Variants in KCNMA1 observed in about 807,000 individuals in gnomAD.
The protein encoded by KCNMA1 is potassium calcium-activated channel subfamily M alpha 1.
Under a neutral mutation model 140.0 loss-of-function variants are expected in KCNMA1, and 29 were observed. The observed-to-expected ratio is 0.21, with a 90% CI of 0.15 to 0.28. KCNMA1 has a LOEUF of 0.28. Among genes scored for constraint, KCNMA1 ranks in the 10% least tolerant of loss-of-function variants. KCNMA1 has a pLI of 1.00. For missense variants in KCNMA1, 880 were observed against 1,602.2 expected, an observed-to-expected ratio of 0.55 and a Z score of 7.70; for synonymous variants, 612 against 611.9, an observed-to-expected ratio of 1.00 and a Z score of 0.00.
intron 1 of KCNMA1, among the ~76,000 whole-genome samples, chr10:77,502,289 C>T (rs574942829): frequency 6.6e-6 from 1 of 152,282 alleles, no homozygotes; most frequent in African/African-American, 2.4e-5. Context: ...GAGAAATACA[C>T]CTCTTGTCTT....
At chr10:77,508,583 T>TTG (rs1555402627) in intron 1 of KCNMA1, among the ~76,000 whole-genome samples, 1 of 83,386 alleles carries the variant, frequency 1.2e-5, no homozygotes, top group African/African-American at 3.9e-5. Context: ...TTTCTTTTCT[T>TTG]TTTTTTTTTT....
In KCNMA1 at chr10:77,497,441, T is replaced by C. The variant is rs77783752; in HGVS notation, c.379-93418A>G. ...CTTGAGGGTGGGTGAGCTCACAGAGTCTATTCCTGACACTGTTGCTCTCAC... is the reference window on the plus strand; with the variant it reads ...CTTGAGGGTGGGTGAGCTCACAGAGCCTATTCCTGACACTGTTGCTCTCAC... On this transcript the variant is annotated intron_variant, in intron 1 of 27. Coordinates refer to ENST00000286628, the MANE Select transcript of KCNMA1 (RefSeq NM_001161352.2). 4.9e-3 allele frequency among the ~76,000 whole-genome samples: 749 copies of C among 152,012 alleles called. 33 individuals carry two copies. In the East Asian group the frequency reaches 0.11, roughly 22 times the overall value.
intron 1 of KCNMA1, among the ~76,000 whole-genome samples, chr10:77,420,895 G>T (rs1198937134): frequency 6.6e-6 from 1 of 152,160 alleles, no homozygotes; most frequent in African/African-American, 2.4e-5. Flanking sequence ...TCATGCAATG[G>T]TACAATTCCC....
intron 5 of KCNMA1, among the ~76,000 whole-genome samples, chr10:77,131,810 C>T (rs2097863454): frequency 6.6e-6 from 1 of 151,480 alleles, no homozygotes; most frequent in Non-Finnish European, 1.5e-5. Flanking sequence ...ACTAAAAATT[C>T]AAAAATTAGC....
intron 20 of KCNMA1, among the ~76,000 whole-genome samples, chr10:76,968,847 G>GGTGGTTTGCCTTTCT (rs1411268192): frequency 6.6e-6 from 1 of 152,182 alleles, no homozygotes; most frequent in Non-Finnish European, 1.5e-5. Flanking sequence ...CATGAAGAAA[G>GGTGGTTTGCCTTTCT]ACTGCCCTTG....
At chr10:77,357,863 A>C (rs1358209204) in intron 2 of KCNMA1, among the ~76,000 whole-genome samples, 1 of 152,180 alleles carries the variant, frequency 6.6e-6, no homozygotes, top group African/African-American at 2.4e-5. Context: ...AGAACCACCT[A>C]GGAATTCAAA....
intron 2 of KCNMA1, among the ~76,000 whole-genome samples, chr10:77,331,505 T>G (rs1054522959): frequency 2.0e-5 from 3 of 152,074 alleles, no homozygotes; most frequent in Non-Finnish European, 4.4e-5. Context: ...ACCACTTAAG[T>G]CCTCATATTT....
At chr10:77,197,790 A>G (rs1220472755) in intron 3 of KCNMA1, among the ~76,000 whole-genome samples, 2 of 152,194 alleles carry the variant, frequency 1.3e-5, no homozygotes, top group African/African-American at 4.8e-5. Context: ...GCCATGCAGA[A>G]AGGACCTACA....
chr10:77,589,875 G>T (rs2078479549), intron 1 of KCNMA1, among the ~76,000 whole-genome samples: 1 of 152,168 alleles, frequency 6.6e-6, no homozygotes, highest in South Asian at 2.1e-4. Context: ...GGTTGCCACT[G>T]CTGGCTGCGG....
At chr10:77,037,916 AC>A (rs1379867744) in intron 15 of KCNMA1, among the ~76,000 whole-genome samples, 1 of 151,994 alleles carries the variant, frequency 6.6e-6, no homozygotes, top group African/African-American at 2.4e-5. Context: ...TGAATGCTTA[AC>A]TCCTCTCAGT....
chr10:77,178,174 A>G (rs571082321), intron 5 of KCNMA1, among the ~76,000 whole-genome samples: 4 of 152,248 alleles, frequency 2.6e-5, no homozygotes, highest in East Asian at 1.9e-4. Context: ...TAGTTTTCCA[A>G]TCATGGTTCC....
chr10:77,061,436 G>A (rs1310999587), intron 14 of KCNMA1, among the ~76,000 whole-genome samples: 1 of 152,258 alleles, frequency 6.6e-6, no homozygotes, highest in East Asian at 1.9e-4. Flanking sequence ...AAATACACGT[G>A]AAAACCACAA....
intron 21 of KCNMA1, among the ~76,000 whole-genome samples, chr10:76,950,678 C>T (rs1336750179): frequency 6.6e-6 from 1 of 152,122 alleles, no homozygotes; most frequent in Non-Finnish European, 1.5e-5. Flanking sequence ...TAGAATTGAC[C>T]ACTGCATTGA....
intron 3 of KCNMA1, among the ~76,000 whole-genome samples, chr10:77,235,687 T>C (rs1277806078): frequency 2.6e-5 from 4 of 152,274 alleles, no homozygotes; most frequent in Middle Eastern, 3.4e-3. Context: ...TTGTTGACAT[T>C]AGTAGAATCT....
intron 2 of KCNMA1, among the ~76,000 whole-genome samples, chr10:77,273,165 C>G (rs2065654537): frequency 6.6e-6 from 1 of 152,192 alleles, no homozygotes; most frequent in Non-Finnish European, 1.5e-5. Flanking sequence ...GTGAAGTAAG[C>G]TATAGATGTA....
intron 5 of KCNMA1, among the ~76,000 whole-genome samples, chr10:77,131,675 C>A (rs7072406): frequency 0.44 from 65,954 of 150,686 alleles, 15,050 homozygotes; most frequent in Non-Finnish European, 0.49. Context: ...GAAAATTTAT[C>A]CAGCTGTTGC....
chr10:77,525,989 C>T (rs986109047), intron 1 of KCNMA1, among the ~76,000 whole-genome samples: 2 of 152,232 alleles, frequency 1.3e-5, no homozygotes, highest in South Asian at 2.1e-4. Flanking sequence ...GGAGAAGTAT[C>T]GGGGGCTTTG....
intron 23 of KCNMA1, among the ~76,000 whole-genome samples, chr10:76,920,020 G>GTATATATGTATATA (rs2054885817): frequency 2.9e-5 from 1 of 34,408 alleles, no homozygotes; most frequent in Non-Finnish European, 5.4e-5. Flanking sequence ...GTGTGTGTGT[G>GTATATATGTATATA]TATATATATA....
exon 28 of KCNMA1, chr10:76,871,101 TA>T (rs1189874699): frequency 6.6e-6 from 1 of 152,284 alleles, no homozygotes; most frequent in African/African-American, 2.4e-5. Context: ...ACTTTCTCCC[TA>T]AAATAATTCA....
Sources: gnomAD v4.1 joint callset for allele counts (sites outside exome capture counted in the v4.1 genomes callset) on GRCh38, gnomAD v4.1.1 for gene constraint, MANE v1.5 for transcripts, NCBI Gene and HGNC (gene_info 2026-07-23, HGNC 2026-07-21) for gene names.